The following AASS variants were observed in gnomAD, a reference collection of about 807,000 sequenced individuals.
AASS encodes aminoadipate-semialdehyde synthase.
A neutral mutation model predicts 105.4 loss-of-function variants in AASS; 86 were observed. The ratio of observed to expected loss-of-function variants is 0.82; its 90% CI spans 0.69 to 0.98. The LOEUF (loss-of-function observed/expected upper bound fraction) is 0.98, where lower values mean the gene tolerates loss of function less well. AASS is among the 50% of genes least tolerant of loss of function. The pLI is 0.00. For missense variants in AASS, 1,048 were observed against 1,143.2 expected, an observed-to-expected ratio of 0.92 and a Z score of 1.20; for synonymous variants, 381 against 394.8, an observed-to-expected ratio of 0.96 and a Z score of 0.41.
At position 122,115,185 on chromosome 7, in the gene AASS, T is replaced by C. The variant is rs1357475120; in HGVS notation, c.932A>G (p.Tyr311Cys). 6.2e-7 allele frequency: 1 copy of C among 1,614,180 alleles called. No homozygotes were observed. Among genetic ancestry groups the C allele is most frequent in the East Asian group, 2.2e-5 (1 of 44,862 alleles). The change falls in exon 9 of 24, where the codon TAC (tyrosine) becomes TGC (cysteine). Residue 311 changes from tyrosine (Y) to cysteine (C), a missense_variant. Coordinates refer to ENST00000417368, the MANE Select transcript of AASS (RefSeq NM_005763.4). ...GAGGCGAGGAGTGTTTTGTTCCCAG[T>C]AGATTCCATTAATTAAGCAAGTTGT... ...PYTTCLINGI[Y>C]WEQNTPRLLT...
At chr7:122,142,985 T>C (rs1159778541) in intron 1 of AASS, among the ~76,000 whole-genome samples, 1 of 152,138 alleles carries the variant, frequency 6.6e-6, no homozygotes, top group Non-Finnish European at 1.5e-5. Context: ...TTCAGGTAAA[T>C]TGGCTTCAAT....
chr7:122,113,696 T>A lies in AASS; in HGVS notation c.1068A>T (p.Ser356=). Residue 356 remains serine (S), a synonymous_variant, in exon 10 of 24, where the codon TCA becomes TCT. Coordinates refer to ENST00000417368, the MANE Select transcript of AASS (RefSeq NM_005763.4). ...PHKLVAICDI[S]ADTGGSIEFM... is the part of the protein sequence containing the mutation. ...ACTCTATAGACCCTCCTGTGTCAGC[T>A]GAAATGTCACATATTGCCACGAGTC... 1 of 1,613,432 alleles carries A rather than the reference T, an allele frequency of 6.2e-7. No individual in the cohort carries two copies. The highest frequency in any genetic ancestry group is 8.5e-7 in the Non-Finnish European group (1 of 1,179,882).
At position 122,118,335 on chromosome 7, in the gene AASS, A is replaced by C; in HGVS notation, c.659T>G (p.Val220Gly). 6.2e-7 allele frequency: 1 copy of C among 1,614,152 alleles called. No individual in the cohort carries two copies. Among genetic ancestry groups the C allele is most frequent in the Non-Finnish European group, 8.5e-7 (1 of 1,180,018 alleles). The change falls in exon 6 of 24, where the codon GTG becomes GGG. Residue 220 changes from valine to glycine, a missense_variant. Val to Gly is a moderately radical substitution (Grantham distance 109). Transcript: ENST00000417368. Reference sequence around the variant, plus strand: ...AGAAACATTACCAGTTCCTGTGAACACAAATGTTAAGGGTCCTATTGACTT... The same window carrying C: ...AGAAACATTACCAGTTCCTGTGAACCCAAATGTTAAGGGTCCTATTGACTT... The part of the protein sequence containing the change: ...MPKSIGPLTF[V>G]FTGTGNVSKG...
At position 122,086,097 on chromosome 7, in the gene AASS, T is replaced by G. The variant is rs942422104; in HGVS notation, c.2099A>C (p.Tyr700Ser). Residue 700 changes from tyrosine to serine, a missense_variant, in exon 19 of 24, where the codon TAT (tyrosine) becomes TCT (serine). By Grantham distance (144) the Tyr-to-Ser change is moderately radical. Coordinates refer to ENST00000417368, the MANE Select transcript of AASS (RefSeq NM_005763.4). ...DFFPGLNLEG[Y>S]PNRDSTKYAE... ...ATATTTCGTACTGTCTCTGTTAGGA[T>G]AGCCTTCCAAATTTAATCCTGGAAA... 1.2e-6 allele frequency: 2 copies of G among 1,613,618 alleles called. No homozygotes were observed. Among genetic ancestry groups the G allele is most frequent in the South Asian group, 2.2e-5 (2 of 91,076 alleles).
intron 2 of AASS, among the ~76,000 whole-genome samples, chr7:122,132,313 G>C (rs1396831599): frequency 6.6e-6 from 1 of 152,148 alleles, no homozygotes; most frequent in Non-Finnish European, 1.5e-5. Context: ...AGAAAGAAAA[G>C]AAAACCTCTT....
intron 6 of AASS, among the ~76,000 whole-genome samples, chr7:122,117,737 C>T (rs1795250493): frequency 6.6e-6 from 1 of 151,948 alleles, no homozygotes; most frequent in African/African-American, 2.4e-5. Flanking sequence ...CTCACTGCAA[C>T]ATTTGCCTCC....
intron 11 of AASS, among the ~76,000 whole-genome samples, chr7:122,106,698 G>A (rs1341713215): frequency 2.0e-5 from 3 of 152,112 alleles, no homozygotes; most frequent in African/African-American, 7.2e-5. Flanking sequence ...TAACTGGCTA[G>A]CTATATGCAG....
rs967273370 is a variant in AASS, at chr7:122,091,693, G to C, written c.2016+10C>G. ...GGTTGATATCACTATGCTTGGATAAGATTCCTCACCTTTCCATCGAGCAGA... is the reference window on the plus strand; with the variant it reads ...GGTTGATATCACTATGCTTGGATAACATTCCTCACCTTTCCATCGAGCAGA... On this transcript the variant is annotated intron_variant, in intron 18 of 23. Transcript: ENST00000417368. 1 of 1,613,208 alleles carries C rather than the reference G, an allele frequency of 6.2e-7. No homozygotes were observed. The highest frequency in any genetic ancestry group is 2.2e-5 in the East Asian group (1 of 44,810).
At chr7:122,107,950 CAA>C (rs71172163) in intron 11 of AASS, among the ~76,000 whole-genome samples, 3,447 of 107,908 alleles carry the variant, frequency 0.032, 55 homozygotes, top group African/African-American at 0.04. Flanking sequence ...ACCCACAACT[CAA>C]AAAAAAAAAA....
chr7:122,089,118 C>G (rs975737901), intron 18 of AASS, among the ~76,000 whole-genome samples: 3 of 151,804 alleles, frequency 2.0e-5, no homozygotes, highest in African/African-American at 7.3e-5. Context: ...TACTTAAGAC[C>G]CGCTCCACAG....
chr7:122,137,213 G>A (rs1796184072), intron 1 of AASS, among the ~76,000 whole-genome samples: 1 of 152,096 alleles, frequency 6.6e-6, no homozygotes, highest in African/African-American at 2.4e-5. Context: ...ATCTTATTAA[G>A]TAGATACATA....
chr7:122,113,237 C>T lies in AASS; in HGVS notation c.1167-8G>A. 3 of 1,611,792 alleles carry T rather than the reference C, an allele frequency of 1.9e-6. No homozygotes were observed. The highest frequency in any genetic ancestry group is 2.5e-6 in the Non-Finnish European group (3 of 1,177,914). Reference sequence around the variant, plus strand: ...ATCCCCGAGCCTTCAACACTAAAAGCAGCAATGTGGTTTATTCAGAAGCAC... The same window carrying T: ...ATCCCCGAGCCTTCAACACTAAAAGTAGCAATGTGGTTTATTCAGAAGCAC... On this transcript the variant is annotated splice_polypyrimidine_tract_variant and splice_region_variant and intron_variant, in intron 10 of 23. Coordinates refer to ENST00000417368, the MANE Select transcript of AASS (RefSeq NM_005763.4).
At chr7:122,113,255 A>G in intron 10 of AASS, 26 bp from the exon 11 acceptor site, 7 of 1,585,238 alleles carry the variant, frequency 4.4e-6, no homozygotes, top group South Asian at 1.1e-5. Context: ...TGGTTTATTC[A>G]GAAGCACAAA....
chr7:122,132,906 A>G (rs778636028), intron 2 of AASS, among the ~76,000 whole-genome samples: 1 of 152,190 alleles, frequency 6.6e-6, no homozygotes, highest in Non-Finnish European at 1.5e-5. Flanking sequence ...TTAAGCCTCA[A>G]TTAAAATAAA....
intron 1 of AASS, among the ~76,000 whole-genome samples, chr7:122,140,537 TTC>T (rs1796347468): frequency 6.8e-6 from 1 of 147,088 alleles, no homozygotes; most frequent in Admixed American, 6.8e-5. Flanking sequence ...ACCTCTTAAT[TTC>T]TGTTACTTCT....
chr7:122,077,460 A>C (rs901449577), intron 23 of AASS, among the ~76,000 whole-genome samples: 1 of 152,214 alleles, frequency 6.6e-6, no homozygotes, highest in Non-Finnish European at 1.5e-5. Context: ...GAAGGAAGTT[A>C]CCATTCCCTG....
intron 1 of AASS, 94 bp from the exon 2 acceptor site, chr7:122,133,835 C>T (rs1796022780): frequency 5.7e-6 from 6 of 1,061,400 alleles, no homozygotes; most frequent in African/African-American, 1.6e-5. Flanking sequence ...AAATACAACC[C>T]GCTCTTATGA....
In AASS at chr7:122,074,434, T is replaced by C. The variant is rs1010448038; in HGVS notation, c.*2055A>G. ...AAAAATTATCTCATTCTGTGGGTTGTATTTTTGCTTTCTTGATATTGTCCT... is the reference window on the plus strand; with the variant it reads ...AAAAATTATCTCATTCTGTGGGTTGCATTTTTGCTTTCTTGATATTGTCCT... On this transcript the variant is annotated 3_prime_UTR_variant, in exon 24 of 24. Transcript: ENST00000417368. 2.0e-5 allele frequency among the ~76,000 whole-genome samples: 3 copies of C among 152,228 alleles called. No homozygotes were observed. The highest frequency in any genetic ancestry group is 4.4e-5 in the Non-Finnish European group (3 of 68,040).
chr7:122,092,961 G>A lies in AASS; in HGVS notation c.1767-10C>T. 6.2e-7 allele frequency: 1 copy of A among 1,613,414 alleles called. No individual in the cohort carries two copies. The highest frequency in any genetic ancestry group is 8.5e-7 in the Non-Finnish European group (1 of 1,179,430). ...GCCAGCATCTTCCACACTGCAGCAG[G>A]TGGAAAGAGGAAAAAGGAAAACTTG... On this transcript the variant is annotated splice_polypyrimidine_tract_variant and intron_variant, in intron 16 of 23. Coordinates refer to ENST00000417368, the MANE Select transcript of AASS (RefSeq NM_005763.4).
Sources: allele counts gnomAD v4.1 joint callset (sites outside exome capture counted in the v4.1 genomes callset), GRCh38; gene constraint gnomAD v4.1.1; transcripts MANE v1.5; gene names NCBI Gene and HGNC (gene_info 2026-07-23, HGNC 2026-07-21).